The following KIF13B variants were observed in gnomAD, a reference collection of about 807,000 sequenced individuals.
The protein encoded by KIF13B is kinesin-like protein KIF13B.
KIF13B carries 127 observed loss-of-function variants against 222.0 expected under a neutral mutation model. That is an observed-to-expected ratio of 0.57 (90% confidence interval 0.50 to 0.66). The LOEUF is 0.66. KIF13B is among the 30% of genes least tolerant of loss of function. KIF13B has a pLI of 0.00. For missense variants in KIF13B, 2,173 were observed against 2,379.0 expected (o/e 0.91, Z 1.80); for synonymous variants, 976 against 919.0 (o/e 1.06, Z -1.12).
intron 1 of KIF13B, among the ~76,000 whole-genome samples, chr8:29,258,581 T>A (rs1816569663): frequency 6.6e-6 from 1 of 152,172 alleles, no homozygotes; most frequent in Non-Finnish European, 1.5e-5. Flanking sequence ...GAATCTCCAT[T>A]CTGGCAGGCA....
Position 29,167,370 on chromosome 8 carries a change from T to C in KIF13B, c.1158+3A>G, listed in dbSNP as rs1386626322. On this transcript the variant is annotated splice_donor_region_variant and intron_variant, in intron 11 of 39. Coordinates refer to ENST00000524189, the MANE Select transcript of KIF13B (RefSeq NM_015254.4). ...ACAGGGCGCACGCGGTGGTGCCTCC[T>C]ACCTCTGCTTTGGTCAGCTGCTCCC... The C allele has an allele frequency of 1.2e-6, 2 of 1,611,372 alleles. No homozygotes were observed. Among genetic ancestry groups the C allele is most frequent in the South Asian group, 1.1e-5 (1 of 90,914 alleles).
intron 35 of KIF13B, among the ~76,000 whole-genome samples, chr8:29,105,659 T>G (rs1338558673): frequency 1.6e-5 from 2 of 127,310 alleles, no homozygotes; most frequent in African/African-American, 6.0e-5. Flanking sequence ...GGTTTTTTTT[T>G]TTTTTTTTTT....
intron 4 of KIF13B, chr8:29,190,707 G>A (rs1028708792): frequency 6.5e-5 from 24 of 367,524 alleles, no homozygotes; most frequent in South Asian, 3.5e-4. Context: ...AGGAGGGAGC[G>A]GTCTTGTGGG....
chr8:29,175,941 C>T, intron 10 of KIF13B, 127 bp downstream of exon 10: 1 of 667,598 alleles, frequency 1.5e-6, no homozygotes, highest in South Asian at 1.7e-5. Context: ...CCATAAGAGC[C>T]TAATAATTAT....
chr8:29,080,371 A>C (rs572246643), intron 37 of KIF13B, among the ~76,000 whole-genome samples: 25 of 149,840 alleles, frequency 1.7e-4, no homozygotes, highest in African/African-American at 6.1e-4. Flanking sequence ...ATTAAGCCTC[A>C]GCAATAATCT....
chr8:29,160,632 G>T, intron 13 of KIF13B, 101 bp downstream of exon 13: 2 of 1,041,752 alleles, frequency 1.9e-6, no homozygotes, highest in Non-Finnish European at 2.7e-6. Context: ...ATAACTTTTT[G>T]CTGTTTTCTG....
chr8:29,216,993 G>A (rs148846298), intron 2 of KIF13B, among the ~76,000 whole-genome samples: 38 of 152,008 alleles, frequency 2.5e-4, no homozygotes, highest in African/African-American at 8.9e-4. Context: ...TAAGTGCACT[G>A]TAAGTGTTAG....
intron 10 of KIF13B, among the ~76,000 whole-genome samples, chr8:29,174,227 C>T (rs1258033627): frequency 1.3e-5 from 2 of 152,052 alleles, no homozygotes; most frequent in East Asian, 1.9e-4. Context: ...TATATAACTG[C>T]AAGTTTGTTC....
Position 29,160,714 on chromosome 8 carries a change from G to A in KIF13B, c.1404+19C>T, listed in dbSNP as rs1309006706. On this transcript the variant is annotated intron_variant, in intron 13 of 39. Coordinates refer to ENST00000524189, the MANE Select transcript of KIF13B (RefSeq NM_015254.4). ...CCTATTTTGTAACAAGAATCTAGTA[G>A]CAAAGCACATTACTTCACCTTTAAA... The A allele has an allele frequency of 6.2e-7, 1 of 1,603,914 alleles. No homozygotes were observed.
chr8:29,133,514 C>T (rs1810433878), intron 22 of KIF13B, among the ~76,000 whole-genome samples: 1 of 152,182 alleles, frequency 6.6e-6, no homozygotes. Flanking sequence ...TCGCTTGAAC[C>T]CAGGAGGCAG....
At chr8:29,166,846 A>G (rs1812022571) in intron 11 of KIF13B, among the ~76,000 whole-genome samples, 2 of 152,250 alleles carry the variant, frequency 1.3e-5, no homozygotes, top group African/African-American at 4.8e-5. Flanking sequence ...GAATACACAG[A>G]AAACAGCTGT....
chr8:29,231,290 C>A (rs937421482), intron 2 of KIF13B, among the ~76,000 whole-genome samples: 1 of 152,216 alleles, frequency 6.6e-6, no homozygotes, highest in Non-Finnish European at 1.5e-5. Flanking sequence ...ATCTTACATT[C>A]AGAGAAGGGA....
rs1316210351 is a variant in KIF13B at position 29,071,847 on chromosome 8, G to A, written c.4991C>T (p.Ala1664Val). The A allele has an allele frequency of 5.2e-6, 8 of 1,538,746 alleles. No homozygotes were observed. Among genetic ancestry groups the A allele is most frequent in the Admixed American group, 3.9e-5 (2 of 50,764 alleles). ...CCCCGGGGAGCAGCCGGGGTCCCCA[G>A]CCAGCATGCGCGAGAAGGAGCGCAA... ...SELRSFSRML[A>V]GDPGCSPGAE... Residue 1664 changes from alanine to valine, a missense_variant, in exon 39 of 40, where the codon GCT becomes GTT. Physicochemically the swap from Ala to Val is moderately conservative, Grantham distance 64. Transcript: ENST00000524189. The surrounding 1 kb of genome is among the most constrained non-coding windows in gnomAD (Gnocchi z 4.9).
intron 24 of KIF13B, among the ~76,000 whole-genome samples, chr8:29,129,174 A>G (rs1396632227): frequency 6.6e-6 from 1 of 152,256 alleles, no homozygotes; most frequent in Admixed American, 6.5e-5. Context: ...TGATAAACCA[A>G]CATTTCTTTG....
rs79432715 is a variant in KIF13B at position 29,154,247 on chromosome 8, T to C, written c.1535+1479A>G. On this transcript the variant is annotated intron_variant, in intron 14 of 39. Coordinates refer to ENST00000524189, the MANE Select transcript of KIF13B (RefSeq NM_015254.4). Reference sequence around the variant, plus strand: ...TGGGAGGATCATTTGAGCTCAGAACTTGGAGGCTGCAGTGAGCTATGATTG... The same window carrying C: ...TGGGAGGATCATTTGAGCTCAGAACCTGGAGGCTGCAGTGAGCTATGATTG... Among the ~76,000 whole-genome samples the C allele has an allele frequency of 1.5e-3, 230 of 152,070 alleles. 3 individuals are homozygous for C. The East Asian group carries it at 0.03, about 20-fold the overall frequency.
chr8:29,122,999 A>C (rs1004850194), intron 28 of KIF13B, among the ~76,000 whole-genome samples: 2 of 152,240 alleles, frequency 1.3e-5, no homozygotes, highest in Non-Finnish European at 2.9e-5. Context: ...GTACAGTTTA[A>C]GCCAGCACCA....
intron 19 of KIF13B, 119 bp from the exon 20 acceptor site, chr8:29,140,736 G>A (rs1045628230): frequency 1.1e-6 from 1 of 911,684 alleles, no homozygotes; most frequent in African/African-American, 1.7e-5. Flanking sequence ...CCTAACTCTT[G>A]TATTTTTTAG....
At chr8:29,101,324 A>G (rs1365243922) in intron 35 of KIF13B, among the ~76,000 whole-genome samples, 1 of 152,146 alleles carries the variant, frequency 6.6e-6, no homozygotes, top group Admixed American at 6.5e-5. Flanking sequence ...TCTGAAGACA[A>G]CTTACTTAAT....
chr8:29,192,290 C>T (rs1813224323), intron 3 of KIF13B, among the ~76,000 whole-genome samples: 2 of 152,232 alleles, frequency 1.3e-5, no homozygotes, highest in Non-Finnish European at 2.9e-5. Context: ...CCAGTGCCCC[C>T]ATTAGTCGGC....
Sources: allele counts gnomAD v4.1 joint callset (sites outside exome capture counted in the v4.1 genomes callset), GRCh38; gene constraint gnomAD v4.1.1; non-coding constraint Gnocchi (gnomAD v3.1); transcripts MANE v1.5; gene names NCBI Gene and HGNC (gene_info 2026-07-23, HGNC 2026-07-21).